Variants in COL4A1 observed in about 807,000 individuals in gnomAD.
COL4A1 encodes collagen alpha-1(IV) chain.
COL4A1 carries 40 observed loss-of-function variants against 216.6 expected under a neutral mutation model. The observed-to-expected ratio is 0.18, with a 90% CI of 0.14 to 0.24. COL4A1 has a LOEUF of 0.24. Ranked by LOEUF, COL4A1 falls within the 10% of genes least tolerant of loss-of-function variation. COL4A1 has a pLI of 1.00. For synonymous variants in COL4A1, 839 were observed against 810.7 expected, an observed-to-expected ratio of 1.03 and a Z score of -0.59; for missense variants, 1,628 against 2,196.8, an observed-to-expected ratio of 0.74 and a Z score of 5.18.
intron 24 of COL4A1, 29 bp downstream of exon 24, chr13:110,192,185 T>C (rs1401729495): frequency 4.3e-6 from 7 of 1,612,000 alleles, no homozygotes; most frequent in Middle Eastern, 1.7e-4. Context: ...ACTTCTGATA[T>C]GTACATGAAC....
At chr13:110,229,715 C>T (rs1418952152) in intron 2 of COL4A1, among the ~76,000 whole-genome samples, 1 of 152,226 alleles carries the variant, frequency 6.6e-6, no homozygotes, top group African/African-American at 2.4e-5. Context: ...CCACAGCCGA[C>T]CTCGAATCTG....
At chr13:110,264,595 C>T (rs1268592461) in intron 1 of COL4A1, among the ~76,000 whole-genome samples, 2 of 152,178 alleles carry the variant, frequency 1.3e-5, no homozygotes, top group East Asian at 3.8e-4. Context: ...CCAAAGAATG[C>T]CAACTCTAGT....
intron 2 of COL4A1, among the ~76,000 whole-genome samples, chr13:110,229,899 C>T (rs1194139243): frequency 6.6e-6 from 1 of 152,230 alleles, no homozygotes; most frequent in Non-Finnish European, 1.5e-5. Flanking sequence ...GGCCCCACTT[C>T]CGACGTTCAC....
At position 110,179,401 on chromosome 13, in the gene COL4A1, T is replaced by C. The variant is rs745425109; in HGVS notation, c.2214A>G (p.Leu738=). ...QGQKGEPGVG[L]PGLKGLPGLP... ...GACCTGGCAAACCTTTGAGTCCCGG[T>C]AGACCAACTCCAGGCTCTCCCTGAA... Residue 738 remains leucine (L), a synonymous_variant, in exon 30 of 52, where the codon CTA becomes CTG. Coordinates refer to ENST00000375820, the MANE Select transcript of COL4A1 (RefSeq NM_001845.6). 9.3e-6 allele frequency: 15 copies of C among 1,613,948 alleles called. No individual in the cohort carries two copies. Among genetic ancestry groups the C allele is most frequent in the Middle Eastern group, 1.6e-4 (1 of 6,084 alleles).
chr13:110,275,105 C>T (rs139457697), intron 1 of COL4A1, among the ~76,000 whole-genome samples: 11 of 152,248 alleles, frequency 7.2e-5, no homozygotes, highest in East Asian at 3.9e-4. Flanking sequence ...CTGGGAAAGA[C>T]ATTCAAGAGA....
intron 33 of COL4A1, 48 bp downstream of exon 33, chr13:110,177,794 T>C: frequency 6.3e-7 from 1 of 1,589,354 alleles, no homozygotes; most frequent in Non-Finnish European, 8.6e-7. Context: ...CCAAGTGGCA[T>C]CGAGAAATAG....
At chr13:110,214,104 T>C (rs1190869550) in intron 2 of COL4A1, 89 bp from the exon 3 acceptor site, 12 of 1,027,638 alleles carry the variant, frequency 1.2e-5, no homozygotes, top group African/African-American at 1.6e-5. Flanking sequence ...TATATATATA[T>C]TTTTTTTGAG....
intron 2 of COL4A1, among the ~76,000 whole-genome samples, chr13:110,216,686 T>C (rs1880101904): frequency 2.6e-5 from 4 of 152,102 alleles, no homozygotes; most frequent in African/African-American, 9.7e-5. Flanking sequence ...CAGCCAGAAA[T>C]AGAAATGAGG....
chr13:110,175,401 G>T, intron 36 of COL4A1, 44 bp from the exon 37 acceptor site: 1 of 1,612,372 alleles, frequency 6.2e-7, no homozygotes, highest in East Asian at 2.2e-5. Flanking sequence ...CTTAGCTAGT[G>T]CTGGTATTAC....
At chr13:110,210,585 A>C (rs747351550) in intron 8 of COL4A1, among the ~76,000 whole-genome samples, 1 of 152,204 alleles carries the variant, frequency 6.6e-6, no homozygotes, top group Non-Finnish European at 1.5e-5. Context: ...CTTTTGAGAA[A>C]AGGCTCAGGA....
intron 48 of COL4A1, 127 bp from the exon 49 acceptor site, chr13:110,161,496 T>C: frequency 8.8e-7 from 1 of 1,134,500 alleles, no homozygotes; most frequent in Non-Finnish European, 1.3e-6. Flanking sequence ...AATGGAAATG[T>C]ATAAAGGATT....
intron 1 of COL4A1, among the ~76,000 whole-genome samples, chr13:110,255,417 G>A (rs534094636): frequency 4.0e-5 from 6 of 150,102 alleles, no homozygotes; most frequent in South Asian, 4.3e-4. Flanking sequence ...GCAAGAAGGC[G>A]GGAGAAGAGT....
At chr13:110,190,200 T>C (rs1248732181) in intron 24 of COL4A1, among the ~76,000 whole-genome samples, 2 of 152,056 alleles carry the variant, frequency 1.3e-5, no homozygotes, top group Non-Finnish European at 2.9e-5. Flanking sequence ...CCCTAGGACA[T>C]CTCGTGTGCT....
intron 1 of COL4A1, among the ~76,000 whole-genome samples, chr13:110,278,649 T>A (rs1464123864): frequency 6.6e-6 from 1 of 152,196 alleles, no homozygotes; most frequent in Non-Finnish European, 1.5e-5. Flanking sequence ...TTTCCACACA[T>A]AGTAAATGCT....
At chr13:110,294,915 A>G (rs912375952) in intron 1 of COL4A1, among the ~76,000 whole-genome samples, 3 of 152,242 alleles carry the variant, frequency 2.0e-5, no homozygotes, top group African/African-American at 7.2e-5. Context: ...ATGAATGAAT[A>G]TCATTCATTT....
At chr13:110,152,883 T>A (rs1163782896) in intron 50 of COL4A1, among the ~76,000 whole-genome samples, 11 of 152,252 alleles carry the variant, frequency 7.2e-5, no homozygotes, top group Admixed American at 7.2e-4. Context: ...TGTAAACAAC[T>A]GATGTGGAAT....
intron 49 of COL4A1, 32 bp downstream of exon 49, chr13:110,161,160 T>A: frequency 6.2e-7 from 1 of 1,608,548 alleles, no homozygotes; most frequent in South Asian, 1.1e-5. Context: ...CCTCTTCAAT[T>A]TTGCATTTGT....
chr13:110,164,637 T>C (rs1042963338), intron 46 of COL4A1, among the ~76,000 whole-genome samples: 8 of 152,090 alleles, frequency 5.3e-5, no homozygotes, highest in African/African-American at 1.7e-4. Context: ...TGTGTTGTTA[T>C]GTGTTCCTCT....
At chr13:110,258,633 A>G (rs989393542) in intron 1 of COL4A1, among the ~76,000 whole-genome samples, 5 of 152,196 alleles carry the variant, frequency 3.3e-5, no homozygotes, top group Non-Finnish European at 5.9e-5. Flanking sequence ...CCTCTTTATT[A>G]AAAAATAGTC....
Sources: allele counts gnomAD v4.1 joint callset (sites outside exome capture counted in the v4.1 genomes callset), GRCh38; gene constraint gnomAD v4.1.1; transcripts MANE v1.5; gene names NCBI Gene and HGNC (gene_info 2026-07-23, HGNC 2026-07-21).